Variants in NELL1 observed in about 807,000 individuals in gnomAD.
The protein encoded by NELL1 is protein kinase C-binding protein NELL1.
In NELL1, 76 loss-of-function variants were observed where a neutral mutation model predicts 107.4. That is an observed-to-expected ratio of 0.71 (90% CI 0.59 to 0.86). The LOEUF is 0.86. NELL1 is among the 40% of genes least tolerant of loss of function. The pLI, the probability that NELL1 is intolerant of heterozygous loss-of-function variation, is 0.00. For synonymous variants in NELL1, 353 were observed against 341.2 expected, an observed-to-expected ratio of 1.03 and a Z score of -0.38; for missense variants, 1,024 against 1,005.5, an observed-to-expected ratio of 1.02 and a Z score of -0.25.
At chr11:21,071,803 A>G (rs916509438) in intron 12 of NELL1, among the ~76,000 whole-genome samples, 5 of 152,282 alleles carry the variant, frequency 3.3e-5, no homozygotes, top group African/African-American at 1.2e-4. Context: ...CTTTTGGCTG[A>G]ATAGGTGTCT....
chr11:21,269,350 C>CCTCTCT (rs67054627), intron 14 of NELL1, among the ~76,000 whole-genome samples: 20 of 147,654 alleles, frequency 1.4e-4, no homozygotes, highest in African/African-American at 3.5e-4. Flanking sequence ...TTGCCAAATC[C>CCTCTCT]CTCTCTCTCT....
intron 15 of NELL1, among the ~76,000 whole-genome samples, chr11:21,526,407 G>T (rs557186486): frequency 6.6e-6 from 1 of 152,228 alleles, no homozygotes. Context: ...GCAGATGTGT[G>T]TTGCAAGCTG....
At chr11:20,937,734 T>C in intron 9 of NELL1, 52 bp from the exon 10 acceptor site, 1 of 1,348,050 alleles carries the variant, frequency 7.4e-7, no homozygotes, top group Non-Finnish European at 1.1e-6. Context: ...ACCTCTGAGG[T>C]CATTTTGTGG....
intron 12 of NELL1, among the ~76,000 whole-genome samples, chr11:20,986,328 C>T (rs1052411684): frequency 3.3e-4 from 50 of 152,346 alleles, no homozygotes; most frequent in African/African-American, 1.1e-3. Context: ...CATGACAGAT[C>T]TGCCCATGTT....
intron 13 of NELL1, among the ~76,000 whole-genome samples, chr11:21,199,962 C>A (rs1037516282): frequency 1.3e-5 from 2 of 152,150 alleles, no homozygotes; most frequent in Non-Finnish European, 2.9e-5. Flanking sequence ...CATGTCCCTG[C>A]AAATGACGTG....
chr11:20,988,752 A>G (rs75970723), intron 12 of NELL1, among the ~76,000 whole-genome samples: 3 of 146,270 alleles, frequency 2.1e-5, no homozygotes, highest in Non-Finnish European at 4.5e-5. Flanking sequence ...CACCACACCT[A>G]TTTTTTTTTT....
intron 14 of NELL1, among the ~76,000 whole-genome samples, chr11:21,309,289 TATA>T (rs1565160486): frequency 9.7e-5 from 11 of 112,870 alleles, no homozygotes; most frequent in African/African-American, 3.7e-4. Flanking sequence ...TGTATATATA[TATA>T]TATATATGTA....
chr11:21,316,531 T>C (rs1453238950), intron 14 of NELL1, among the ~76,000 whole-genome samples: 1 of 152,114 alleles, frequency 6.6e-6, no homozygotes, highest in Non-Finnish European at 1.5e-5. Context: ...CCATGCTCTG[T>C]CTTAGTAAGA....
At chr11:21,024,766 C>T (rs1268640771) in intron 12 of NELL1, among the ~76,000 whole-genome samples, 4 of 152,068 alleles carry the variant, frequency 2.6e-5, no homozygotes, top group Admixed American at 2.6e-4. Context: ...ATTTCCAAGG[C>T]TATAGTTTCT....
chr11:20,758,104 T>A (rs1319869722), intron 2 of NELL1, among the ~76,000 whole-genome samples: 1 of 152,126 alleles, frequency 6.6e-6, no homozygotes, highest in Non-Finnish European at 1.5e-5. Context: ...CCTAATTACC[T>A]TCCAAAGGCC....
intron 13 of NELL1, among the ~76,000 whole-genome samples, chr11:21,137,721 G>A (rs1299718663): frequency 2.0e-5 from 3 of 152,212 alleles, no homozygotes; most frequent in Non-Finnish European, 4.4e-5. Context: ...CAGGCAGGCA[G>A]CATACAGGTG....
At chr11:21,508,574 A>G (rs1855356406) in intron 15 of NELL1, among the ~76,000 whole-genome samples, 1 of 152,172 alleles carries the variant, frequency 6.6e-6, no homozygotes, top group African/African-American at 2.4e-5. Context: ...ACAGTTCAAT[A>G]TATGTTATTT....
At chr11:21,248,278 C>A (rs186486102) in intron 14 of NELL1, among the ~76,000 whole-genome samples, 1 of 150,710 alleles carries the variant, frequency 6.6e-6, no homozygotes, top group Non-Finnish European at 1.5e-5. Context: ...CCCAGGATGT[C>A]GAAGCTGCAG....
intron 10 of NELL1, among the ~76,000 whole-genome samples, chr11:20,943,159 T>C (rs1850891833): frequency 6.6e-6 from 1 of 152,048 alleles, no homozygotes; most frequent in South Asian, 2.1e-4. Context: ...AATAATTTTA[T>C]TCTGTGCAAA....
chr11:21,542,633 G>C (rs753927777), intron 16 of NELL1, among the ~76,000 whole-genome samples: 1 of 151,800 alleles, frequency 6.6e-6, no homozygotes, highest in Non-Finnish European at 1.5e-5. Flanking sequence ...ATCCACTGAT[G>C]TCATTACCTT....
intron 14 of NELL1, among the ~76,000 whole-genome samples, chr11:21,299,963 A>C (rs1849459322): frequency 6.6e-6 from 1 of 152,092 alleles, no homozygotes; most frequent in African/African-American, 2.4e-5. Context: ...AAAGCAGCTT[A>C]AGTAATAAAC....
intron 15 of NELL1, among the ~76,000 whole-genome samples, chr11:21,411,911 A>G (rs1852386737): frequency 6.6e-6 from 1 of 152,128 alleles, no homozygotes; most frequent in Middle Eastern, 3.4e-3. Context: ...AGTTTGATAG[A>G]CCTTGCTGAA....
chr11:21,461,839 G>T (rs1222186462), intron 15 of NELL1, among the ~76,000 whole-genome samples: 1 of 152,110 alleles, frequency 6.6e-6, no homozygotes, highest in African/African-American at 2.4e-5. Context: ...GTGTGGTTCA[G>T]TGAATACCAA....
chr11:21,244,076 A>G (rs1472360864), intron 14 of NELL1, among the ~76,000 whole-genome samples: 4 of 152,246 alleles, frequency 2.6e-5, no homozygotes, highest in Non-Finnish European at 4.4e-5. Flanking sequence ...TCTACAGCAT[A>G]ACATTTCCTG....
Sources: allele counts gnomAD v4.1 joint callset (sites outside exome capture counted in the v4.1 genomes callset), GRCh38; gene constraint gnomAD v4.1.1; transcripts MANE v1.5; gene names NCBI Gene and HGNC (gene_info 2026-07-23, HGNC 2026-07-21).